The following ZNF263 variants were observed in gnomAD, a reference collection of about 807,000 sequenced individuals.
The protein encoded by ZNF263 is zinc finger protein FPM315.
In ZNF263, 49 loss-of-function variants were observed where a neutral mutation model predicts 63.1. The ratio of observed to expected loss-of-function variants is 0.78; its 90% CI spans 0.62 to 0.99. The LOEUF is 0.99. Ranked by LOEUF, ZNF263 falls within the 50% of genes least tolerant of loss-of-function variation. ZNF263 has a pLI of 0.00. For missense variants in ZNF263, 872 were observed against 854.8 expected, an observed-to-expected ratio of 1.02 and a Z score of -0.25; for synonymous variants, 352 against 324.2, an observed-to-expected ratio of 1.09 and a Z score of -0.92.
chr16:3,286,060 C>G lies in ZNF263; in HGVS notation c.680C>G (p.Ser227Cys), dbSNP rs1368734112. 1.2e-6 allele frequency: 2 copies of G among 1,613,390 alleles called. No homozygotes were observed. The highest frequency in any genetic ancestry group is 1.7e-6 in the Non-Finnish European group (2 of 1,179,756). The change falls in exon 4 of 6, where the codon TCC becomes TGC. Residue 227 changes from serine (S) to cysteine (C), a missense_variant. Physicochemically the swap from Ser to Cys is moderately radical, Grantham distance 112. Transcript: ENST00000219069. ...ESLEDVAMYI[S>C]QEEWGHQDPS... ...TTAGAGGACGTGGCAATGTACATCT[C>G]CCAGGAGGAGTGGGGGCATCAGGAT...
chr16:3,300,431 G>C (rs779136155), intron 2 of ZNF263: 1 of 1,613,800 alleles, frequency 6.2e-7, no homozygotes, highest in Non-Finnish European at 8.5e-7. Context: ...CCTACTAATG[G>C]CATGTCCTGC....
chr16:3,300,324 C>G, intron 2 of ZNF263: 1 of 1,614,242 alleles, frequency 6.2e-7, no homozygotes, highest in Non-Finnish European at 8.5e-7. Context: ...CGCCTCTTAC[C>G]GGAACACCGG....
chr16:3,299,396 C>G (rs1959865231), intron 2 of ZNF263: 1 of 1,551,880 alleles, frequency 6.4e-7, no homozygotes, highest in African/African-American at 1.4e-5. Flanking sequence ...TATTCAGGTT[C>G]CTTTTTGTAA....
intron 5 of ZNF263, among the ~76,000 whole-genome samples, chr16:3,289,075 A>C (rs1959495802): frequency 6.6e-6 from 1 of 152,140 alleles, no homozygotes; most frequent in South Asian, 2.1e-4. Context: ...GAGTTCAAGG[A>C]GGCCCTTATT....
In ZNF263 at chr16:3,283,982, C is replaced by T. The variant is rs139088208; in HGVS notation, c.164C>T (p.Pro55Leu). Residue 55 changes from proline (P) to leucine (L), a missense_variant, in exon 1 of 6, where the codon CCC becomes CTC. By Grantham distance (98) the Pro-to-Leu change is moderately conservative. Transcript: ENST00000219069. ...RRFRFQEAAG[P>L]REALSRLQEL... ...TTCCGCTTCCAAGAGGCAGCTGGTC[C>T]CCGGGAAGCCCTCAGCCGGCTCCAA... 6.2e-7 allele frequency: 1 copy of T among 1,613,942 alleles called. No homozygotes were observed. The highest frequency in any genetic ancestry group is 1.1e-5 in the South Asian group (1 of 91,086).
In ZNF263 at chr16:3,285,765, A is replaced by C. The variant is rs1424131809; in HGVS notation, c.642+11A>C. The C allele has an allele frequency of 6.2e-7, 1 of 1,613,878 alleles. No homozygotes were observed. The highest frequency in any genetic ancestry group is 1.1e-5 in the South Asian group (1 of 91,068). On this transcript the variant is annotated intron_variant, in intron 3 of 5. Transcript: ENST00000219069. Reference sequence around the variant, plus strand: ...ATGACTGGGCCCCAGGTGATGTGGAAGTTTCCATTGTCTCCCCCCAGCACC... The same window carrying C: ...ATGACTGGGCCCCAGGTGATGTGGACGTTTCCATTGTCTCCCCCCAGCACC...
At chr16:3,299,271 ACCCTTTTCTTC>A in intron 2 of ZNF263, 1 of 1,610,992 alleles carries the variant, frequency 6.2e-7, no homozygotes, top group Non-Finnish European at 8.5e-7. Flanking sequence ...TTAGGAGACA[ACCCTTTTCTTC>A]ATCTCCATTT....
intron 4 of ZNF263, among the ~76,000 whole-genome samples, chr16:3,287,845 AT>A (rs1959435236): frequency 6.6e-6 from 1 of 151,852 alleles, no homozygotes; most frequent in South Asian, 2.1e-4. Flanking sequence ...CTTTTATGAT[AT>A]TAAATGGATT....
In ZNF263 at chr16:3,291,385, T is replaced by A. The variant is rs1048350838; in HGVS notation, c.*827T>A. On this transcript the variant is annotated 3_prime_UTR_variant, in exon 6 of 6. Transcript: ENST00000219069. ...CCTGGAAAATTGAAAATGTGAATCC[T>A]AGGGGGAAATTGGGGATTGTGTCTT... The A allele has an allele frequency of 4.1e-6, 4 of 985,348 alleles. No homozygotes were observed. Among genetic ancestry groups the A allele is most frequent in the Non-Finnish European group, 4.8e-6 (4 of 829,868 alleles). 61.0% of individuals were successfully genotyped at this position (985,348 alleles called of 1,614,324 possible).
Position 3,289,862 on chromosome 16 carries a change from C to T in ZNF263, c.1356C>T (p.His452=), listed in dbSNP as rs766021785. Residue 452 remains histidine (H), a synonymous_variant, in exon 6 of 6, where the codon CAC becomes CAT. Coordinates refer to ENST00000219069, the MANE Select transcript of ZNF263 (RefSeq NM_005741.5). ...GTCAGAACACCCATCTGACTCGCCA[C>T]CAACGCACCCACACGGGTGAGAAGC... ...CFSQNTHLTR[H]QRTHTGEKPY... 1.5e-5 allele frequency: 24 copies of T among 1,614,202 alleles called. No homozygotes were observed. Among genetic ancestry groups the T allele is most frequent in the South Asian group, 2.2e-5 (2 of 91,090 alleles).
At chr16:3,295,518 C>CT (rs909549596), downstream of ZNF263, among the ~76,000 whole-genome samples, 8 of 149,858 alleles carry the variant, frequency 5.3e-5, no homozygotes, top group African/African-American at 2.0e-4. Flanking sequence ...CCCTCTAAAA[C>CT]TCCCCCGTCG....
intron 1 of ZNF263, chr16:3,299,047 C>G: frequency 7.2e-7 from 1 of 1,391,836 alleles, no homozygotes; most frequent in Non-Finnish European, 9.4e-7. Flanking sequence ...GCTACCAATT[C>G]TAGAATGGAT....
intron 5 of ZNF263, among the ~76,000 whole-genome samples, chr16:3,288,832 A>T (rs866283533): frequency 1.1e-4 from 17 of 152,104 alleles, no homozygotes; most frequent in Admixed American, 2.6e-4. Context: ...TTTTTAGTAG[A>T]GTCGGGGTTT....
At position 3,283,695 on chromosome 16, in the gene ZNF263, C is replaced by T; in HGVS notation, c.-124C>T. ...GCGCCTGGGCTGGAGCGGGGCTCCTCGGCCTGGACTGGGAGCCCCCGGCCC... is the reference window on the plus strand; with the variant it reads ...GCGCCTGGGCTGGAGCGGGGCTCCTTGGCCTGGACTGGGAGCCCCCGGCCC... On this transcript the variant is annotated 5_prime_UTR_variant, in exon 1 of 6. Transcript: ENST00000219069. The T allele has an allele frequency of 2.2e-6, 3 of 1,351,854 alleles. No individual in the cohort carries two copies. The highest frequency in any genetic ancestry group is 3.9e-5 in the South Asian group (2 of 50,732). The allele number at this position is 1,351,854 out of a possible 1,614,324, so 83.7% of individuals were successfully genotyped here. A position where few individuals can be genotyped will look rare whatever the true frequency, so the allele number is the denominator to read the frequency against.
Position 3,285,095 on chromosome 16 carries a change from G to A in ZNF263, c.424G>A (p.Glu142Lys), listed in dbSNP as rs753890757. The change falls in exon 2 of 6, where the codon GAG (glutamate) becomes AAG (lysine). Residue 142 changes from glutamate to lysine, a missense_variant. Coordinates refer to ENST00000219069, the MANE Select transcript of ZNF263 (RefSeq NM_005741.5). ...TGGGCGGGGAACAGAAGTGCTTTTG[G>A]AGGAGCCTTTGCCTCTGGAAACAGC... Reference protein sequence around the residue: ...NHGRGTEVLLEEPLPLETARE... With the variant: ...NHGRGTEVLLKEPLPLETARE... 60 of 1,614,166 alleles carry A rather than the reference G, an allele frequency of 3.7e-5. 3 individuals carry two copies. In the South Asian group the frequency reaches 5.9e-4, roughly 16 times the overall value.
chr16:3,290,642 C>A lies in ZNF263; in HGVS notation c.*84C>A, dbSNP rs140718208. On this transcript the variant is annotated 3_prime_UTR_variant, in exon 6 of 6. Transcript: ENST00000219069. ...CAAGAGCTGGTATTCCCTGCCCAGC[C>A]GACCAAATGACCTCTGCATTCTTCA... 6.7e-7 allele frequency: 1 copy of A among 1,497,454 alleles called. No homozygotes were observed. Among genetic ancestry groups the A allele is most frequent in the South Asian group, 1.4e-5 (1 of 73,810 alleles). The allele number at this position is 1,497,454 out of a possible 1,614,324, so 92.8% of individuals were successfully genotyped here.
chr16:3,295,522 C>T (rs1277756227), downstream of ZNF263, among the ~76,000 whole-genome samples: 1 of 144,810 alleles, frequency 6.9e-6, no homozygotes, highest in East Asian at 1.9e-4. Flanking sequence ...CTAAAACTCC[C>T]CCGTCGGCCC....
Position 3,289,721 on chromosome 16 carries a change from G to C in ZNF263, c.1215G>C (p.Leu405=). ...RHQRIHAAER[L]CMGVDCTEIF... ...AGAGAATACATGCAGCTGAAAGACT[G>C]TGTATGGGTGTGGACTGCACTGAAA... The change falls in exon 6 of 6, where the codon CTG becomes CTC. Residue 405 remains leucine (L), a synonymous_variant. Coordinates refer to ENST00000219069, the MANE Select transcript of ZNF263 (RefSeq NM_005741.5). The C allele has an allele frequency of 1.2e-6, 2 of 1,614,130 alleles. No individual in the cohort carries two copies. Among genetic ancestry groups the C allele is most frequent in the Non-Finnish European group, 1.7e-6 (2 of 1,180,014 alleles).
At chr16:3,295,505 G>A (rs1472050195), downstream of ZNF263, among the ~76,000 whole-genome samples, 1 of 152,162 alleles carries the variant, frequency 6.6e-6, no homozygotes, top group African/African-American at 2.4e-5. Flanking sequence ...TGGCGCACCT[G>A]CACCCTCTAA....
Sources: allele counts gnomAD v4.1 joint callset (sites outside exome capture counted in the v4.1 genomes callset), GRCh38; gene constraint gnomAD v4.1.1; transcripts MANE v1.5; gene names NCBI Gene and HGNC (gene_info 2026-07-23, HGNC 2026-07-21).